Variants in LAMB4 observed in about 807,000 individuals in gnomAD.
LAMB4 encodes laminin subunit beta-4.
LAMB4 carries 196 observed loss-of-function variants against 199.2 expected under a neutral mutation model. The observed-to-expected ratio is 0.98, with a 90% confidence interval of 0.88 to 1.11. LAMB4 has a LOEUF of 1.11. LAMB4 is among the 50% of genes least tolerant of loss of function. LAMB4 has a pLI of 0.00. For synonymous variants in LAMB4, 744 were observed against 770.6 expected (o/e 0.97, Z 0.57); for missense variants, 2,080 against 2,171.2 (o/e 0.96, Z 0.83).
chr7:108,101,692 A>G (rs957455177), intron 10 of LAMB4, among the ~76,000 whole-genome samples: 1 of 152,170 alleles, frequency 6.6e-6, no homozygotes, highest in African/African-American at 2.4e-5. Context: ...GATGAGAGTG[A>G]GCAAGCAAGG....
chr7:108,111,524 A>AT (rs1260006788), intron 4 of LAMB4, among the ~76,000 whole-genome samples: 2 of 152,118 alleles, frequency 1.3e-5, no homozygotes, highest in Non-Finnish European at 2.9e-5. Context: ...TCTTATTATT[A>AT]TTTTTTTACA....
intron 14 of LAMB4, among the ~76,000 whole-genome samples, chr7:108,084,596 T>A (rs1438625785): frequency 6.6e-6 from 1 of 152,112 alleles, no homozygotes; most frequent in African/African-American, 2.4e-5. Flanking sequence ...GAACACAGAA[T>A]TCTGGTGGAC....
At chr7:108,027,609 CTAGTTT>C (rs1308624055) in intron 33 of LAMB4, among the ~76,000 whole-genome samples, 2 of 152,090 alleles carry the variant, frequency 1.3e-5, no homozygotes, top group South Asian at 2.1e-4. Context: ...ACTTACACTC[CTAGTTT>C]TAAAGTTTTA....
intron 31 of LAMB4, 74 bp downstream of exon 31, chr7:108,034,134 G>T: frequency 7.3e-7 from 1 of 1,372,132 alleles, no homozygotes; most frequent in Non-Finnish European, 1.0e-6. Flanking sequence ...GCATAGCATT[G>T]GCATACATAA....
intron 2 of LAMB4, among the ~76,000 whole-genome samples, chr7:108,120,742 A>G (rs2038569697): frequency 1.3e-5 from 2 of 152,248 alleles, no homozygotes; most frequent in South Asian, 4.1e-4. Flanking sequence ...TTGATGTTAC[A>G]TGTGAATAAA....
At chr7:108,083,946 A>T (rs758425602) in intron 14 of LAMB4, among the ~76,000 whole-genome samples, 16 of 152,244 alleles carry the variant, frequency 1.1e-4, no homozygotes, top group Non-Finnish European at 2.1e-4. Context: ...CCAGCAGACC[A>T]GTAGTCACAA....
intron 11 of LAMB4, among the ~76,000 whole-genome samples, chr7:108,097,175 C>T (rs11771064): frequency 0.024 from 3,586 of 152,150 alleles, 66 homozygotes; most frequent in Non-Finnish European, 0.034. Flanking sequence ...AAGATTCAGA[C>T]CAATGTTTTC....
At chr7:108,129,235 A>AT (rs1490906085) in intron 1 of LAMB4, among the ~76,000 whole-genome samples, 1 of 152,224 alleles carries the variant, frequency 6.6e-6, no homozygotes, top group Admixed American at 6.5e-5. Context: ...ATCGTGTTTG[A>AT]TAAGAGCCTC....
chr7:108,100,485 T>C (rs1257737405), intron 10 of LAMB4, among the ~76,000 whole-genome samples: 1 of 152,204 alleles, frequency 6.6e-6, no homozygotes, highest in Non-Finnish European at 1.5e-5. Flanking sequence ...TGTCTCATGA[T>C]AGTAGTTTGT....
chr7:108,037,305 A>G (rs2035264000), intron 30 of LAMB4, 83 bp downstream of exon 30: 2 of 1,066,248 alleles, frequency 1.9e-6, no homozygotes, highest in Non-Finnish European at 2.8e-6. Context: ...TGAATGCTAT[A>G]GATCCCTAGG....
In LAMB4 at chr7:108,043,822, T is replaced by TA. The variant is rs1290857056; in HGVS notation, c.4400dup (p.Arg1468LysfsTer5). Reference sequence around the variant, plus strand: ...CTTCTTCAGAGTCACTTTGGTTTCTTATATTTCCCAGTTTTTCCCTCAGCT... The same window carrying TA: ...CTTCTTCAGAGTCACTTTGGTTTCTTAATATTTCCCAGTTTTTCCCTCAGCT... On this transcript the variant is annotated frameshift_variant, in exon 29 of 34. Coordinates refer to ENST00000388781, the MANE Select transcript of LAMB4 (RefSeq NM_007356.3). LOFTEE classifies it high-confidence loss of function. The TA allele has an allele frequency of 6.2e-7, 1 of 1,610,084 alleles. No individual in the cohort carries two copies. The highest frequency in any genetic ancestry group is 2.2e-5 in the East Asian group (1 of 44,686).
intron 7 of LAMB4, among the ~76,000 whole-genome samples, 164 bp downstream of exon 7, chr7:108,106,345 G>A (rs2038009292): frequency 1.3e-5 from 2 of 152,044 alleles, no homozygotes; most frequent in Admixed American, 6.5e-5. Context: ...TTGAACCCAG[G>A]AGGCGGAGGT....
intron 14 of LAMB4, among the ~76,000 whole-genome samples, chr7:108,083,956 A>G (rs2037061236): frequency 6.6e-6 from 1 of 152,226 alleles, no homozygotes; most frequent in African/African-American, 2.4e-5. Context: ...AGTAGTCACA[A>G]GAAGGAATTA....
chr7:108,066,064 GGTTTTTATAT>G (rs2036330143), intron 20 of LAMB4, 145 bp from the exon 21 acceptor site: 2 of 778,010 alleles, frequency 2.6e-6, no homozygotes, highest in East Asian at 2.7e-5. Flanking sequence ...AACGACTTTT[GGTTTTTATAT>G]CAAAAGTCTC....
At chr7:108,046,603 C>G (rs1008490013) in intron 28 of LAMB4, among the ~76,000 whole-genome samples, 1 of 151,772 alleles carries the variant, frequency 6.6e-6, no homozygotes, top group African/African-American at 2.4e-5. Context: ...CTAAAGAAAA[C>G]TAGGTAATTA....
intron 29 of LAMB4, among the ~76,000 whole-genome samples, chr7:108,041,290 T>G (rs1237650658): frequency 1.3e-5 from 2 of 152,104 alleles, no homozygotes; most frequent in Non-Finnish European, 2.9e-5. Flanking sequence ...ACTTATACAG[T>G]GTTGGTGGGG....
Position 108,025,408 on chromosome 7 carries a change from T to TC in LAMB4, c.5147-1231dup, listed in dbSNP as rs372056481. 1.1e-3 allele frequency among the ~76,000 whole-genome samples: 147 copies of TC among 128,202 alleles called. 11 individuals carry two copies. Among genetic ancestry groups the TC allele is most frequent in the African/African-American group, 4.2e-3 (93 of 22,296 alleles). The allele number at this position is 128,202 out of a possible 152,430, so 84.1% of individuals were successfully genotyped here. ...CTTTTCTTTTCTTTCTTTCTTTCTT[T>TC]CTTTCTTTCTTCTTTCTTTCTTTCT... On this transcript the variant is annotated intron_variant, in intron 33 of 33. Coordinates refer to ENST00000388781, the MANE Select transcript of LAMB4 (RefSeq NM_007356.3).
intron 33 of LAMB4, among the ~76,000 whole-genome samples, chr7:108,025,824 C>A (rs1636948): frequency 0.2 from 30,701 of 152,088 alleles, 7,227 homozygotes; most frequent in African/African-American, 0.58. Context: ...TGTTTGTACC[C>A]GGAAAGTTAA....
Position 108,029,190 on chromosome 7 carries a change from C to A in LAMB4, c.4999G>T (p.Val1667Phe). ...ATAGCATATTGTTTTTTCAGCTCAA[C>A]AAATTCCTGTAACAAGCAACACTTG... ...HQAGSLEKEF[V>F]ELKKQYAILQ... Residue 1667 changes from valine (V) to phenylalanine (F), a missense_variant, in exon 33 of 34, where the codon GTT becomes TTT. Val to Phe is a conservative substitution (Grantham distance 50). Transcript: ENST00000388781. 6.2e-7 allele frequency: 1 copy of A among 1,611,470 alleles called. No individual in the cohort carries two copies. The highest frequency in any genetic ancestry group is 8.5e-7 in the Non-Finnish European group (1 of 1,179,242).
Sources: allele counts gnomAD v4.1 joint callset (sites outside exome capture counted in the v4.1 genomes callset), GRCh38; gene constraint gnomAD v4.1.1; transcripts MANE v1.5; gene names NCBI Gene and HGNC (gene_info 2026-07-23, HGNC 2026-07-21).